Variants in MSRB3 observed in about 807,000 individuals in gnomAD.
MSRB3 encodes methionine sulfoxide reductase B3.
A neutral mutation model predicts 21.0 loss-of-function variants in MSRB3; 13 were observed. That is an observed-to-expected ratio of 0.62 (90% CI 0.40 to 0.98). The LOEUF is 0.98. Ranked by LOEUF, MSRB3 falls within the 50% of genes least tolerant of loss-of-function variation. MSRB3 has a pLI of 0.00. For missense variants in MSRB3, 199 were observed against 230.3 expected (o/e 0.86, Z 0.88); for synonymous variants, 87 against 88.6 (o/e 0.98, Z 0.10).
chr12:65,280,979 C>T (rs1871981082), intron 1 of MSRB3, among the ~76,000 whole-genome samples: 1 of 152,100 alleles, frequency 6.6e-6, no homozygotes, highest in Non-Finnish European at 1.5e-5. Context: ...TGTAATGCAA[C>T]ACTTTGGGAG....
intron 5 of MSRB3, among the ~76,000 whole-genome samples, chr12:65,428,897 A>G (rs148187182): frequency 9.9e-5 from 15 of 152,206 alleles, no homozygotes; most frequent in Non-Finnish European, 1.8e-4. Context: ...TTTTTTCCCC[A>G]TAAGATAGAC....
At chr12:65,391,732 T>A (rs930974580) in intron 5 of MSRB3, among the ~76,000 whole-genome samples, 2 of 152,212 alleles carry the variant, frequency 1.3e-5, no homozygotes, top group African/African-American at 4.8e-5. Flanking sequence ...TAAGGCTAGT[T>A]CACTAAATAT....
chr12:65,315,498 T>C (rs1009025471), intron 2 of MSRB3, among the ~76,000 whole-genome samples: 5 of 151,866 alleles, frequency 3.3e-5, no homozygotes, highest in African/African-American at 4.8e-5. Context: ...AGTGAAACCC[T>C]GTCTCTACTA....
intron 4 of MSRB3, among the ~76,000 whole-genome samples, chr12:65,337,426 A>G (rs1232165739): frequency 1.2e-5 from 1 of 83,688 alleles, no homozygotes; most frequent in Admixed American, 1.3e-4. Flanking sequence ...GAGTGAGACT[A>G]CATCAAAAAA....
intron 5 of MSRB3, among the ~76,000 whole-genome samples, chr12:65,374,974 C>T (rs1300040754): frequency 1.3e-5 from 2 of 150,926 alleles, no homozygotes; most frequent in East Asian, 2.0e-4. Flanking sequence ...TTCAGCCTCT[C>T]GAGTAGCCGG....
chr12:65,405,980 T>C (rs923779151), intron 5 of MSRB3, among the ~76,000 whole-genome samples: 12 of 152,222 alleles, frequency 7.9e-5, no homozygotes, highest in Non-Finnish European at 1.0e-4. Context: ...TAACTTCTTA[T>C]CAGATATAAA....
intron 1 of MSRB3, among the ~76,000 whole-genome samples, chr12:65,303,949 G>A (rs1279968834): frequency 3.3e-5 from 5 of 152,104 alleles, no homozygotes; most frequent in Non-Finnish European, 7.4e-5. Context: ...AGTGTGGGGT[G>A]CGGTGGGTTG....
intron 4 of MSRB3, among the ~76,000 whole-genome samples, chr12:65,337,717 A>T (rs558580062): frequency 1.3e-5 from 2 of 151,840 alleles, no homozygotes; most frequent in South Asian, 4.1e-4. Context: ...CTCAAAACTA[A>T]GTCGGTATAA....
intron 5 of MSRB3, among the ~76,000 whole-genome samples, chr12:65,390,201 A>G (rs1255637838): frequency 6.6e-6 from 1 of 152,156 alleles, no homozygotes; most frequent in African/African-American, 2.4e-5. Context: ...AATTCTGCTT[A>G]CTTCTTCCCT....
intron 1 of MSRB3, chr12:65,284,215 A>G (rs1193336981): frequency 6.6e-6 from 1 of 152,216 alleles, no homozygotes; most frequent in Non-Finnish European, 1.5e-5. Context: ...TGATCCTTGA[A>G]ATGTCATAAT....
intron 5 of MSRB3, among the ~76,000 whole-genome samples, chr12:65,403,909 T>C (rs565272517): frequency 5.1e-4 from 77 of 152,318 alleles, no homozygotes; most frequent in African/African-American, 1.7e-3. Flanking sequence ...CCCACCCTGC[T>C]TCGGCTCCCC....
In MSRB3 at chr12:65,339,492, A is replaced by T. The variant is rs377332701; in HGVS notation, c.263+10889A>T. ...GGTGCAGATACTTCCACTGTGGGCT[A>T]TTTCAAGTACAGATATGACATCACT... On this transcript the variant is annotated intron_variant, in intron 4 of 6. Transcript: ENST00000308259. Among the ~76,000 whole-genome samples the T allele has an allele frequency of 2.4e-4, 37 of 152,338 alleles. 1 individual carries two copies. Among genetic ancestry groups the T allele is most frequent in the African/African-American group, 8.9e-4 (37 of 41,574 alleles).
intron 5 of MSRB3, among the ~76,000 whole-genome samples, chr12:65,410,719 TA>T (rs1880672213): frequency 6.6e-6 from 1 of 152,344 alleles, no homozygotes; most frequent in Non-Finnish European, 1.5e-5. Flanking sequence ...TAGCTCTTGC[TA>T]AAACTGATAT....
rs565528072 is a variant in MSRB3, at chr12:65,408,616, G to A, written c.292+39590G>A. Among the ~76,000 whole-genome samples the A allele has an allele frequency of 9.2e-5, 14 of 152,214 alleles. No individual in the cohort carries two copies. The South Asian group carries it at 2.3e-3, about 25-fold the overall frequency. On this transcript the variant is annotated intron_variant, in intron 5 of 6. Transcript: ENST00000308259. ...TGATCTTGTGGTAAGATATGGGGACGGGGAGTGCATTCTATAGACCCACAA... is the reference window on the plus strand; with the variant it reads ...TGATCTTGTGGTAAGATATGGGGACAGGGAGTGCATTCTATAGACCCACAA...
chr12:65,457,228 T>C (rs1381690396), intron 6 of MSRB3, among the ~76,000 whole-genome samples: 5 of 152,178 alleles, frequency 3.3e-5, no homozygotes, highest in Non-Finnish European at 7.3e-5. Context: ...TATTTTATTA[T>C]TTTTTATTAT....
intron 5 of MSRB3, among the ~76,000 whole-genome samples, chr12:65,394,370 G>C (rs2136585780): frequency 6.6e-6 from 1 of 152,178 alleles, no homozygotes; most frequent in Non-Finnish European, 1.5e-5. Context: ...TTCTTAGAAA[G>C]ACAGAAACTA....
chr12:65,293,651 T>C (rs1872784292), intron 1 of MSRB3, among the ~76,000 whole-genome samples: 1 of 152,192 alleles, frequency 6.6e-6, no homozygotes, highest in Non-Finnish European at 1.5e-5. Context: ...CATCCCTCTG[T>C]TGTATAGGAT....
At chr12:65,432,801 G>C (rs1378060083) in intron 5 of MSRB3, among the ~76,000 whole-genome samples, 1 of 151,910 alleles carries the variant, frequency 6.6e-6, no homozygotes, top group African/African-American at 2.4e-5. Flanking sequence ...CCACATGTTA[G>C]ATAGCCAATG....
At chr12:65,444,351 CAAATT>C (rs1262088026) in intron 5 of MSRB3, among the ~76,000 whole-genome samples, 1 of 152,102 alleles carries the variant, frequency 6.6e-6, no homozygotes, top group African/African-American at 2.4e-5. Context: ...CAACAACAAA[CAAATT>C]AAAAATAAAA....
Sources: gnomAD v4.1 joint callset for allele counts (sites outside exome capture counted in the v4.1 genomes callset) on GRCh38, gnomAD v4.1.1 for gene constraint, MANE v1.5 for transcripts, NCBI Gene and HGNC (gene_info 2026-07-23, HGNC 2026-07-21) for gene names.